The following TRPA1 variants were observed in gnomAD, a reference collection of about 807,000 sequenced individuals.
TRPA1 encodes ankyrin-like with transmembrane domains 1.
Under a neutral mutation model 131.3 loss-of-function variants are expected in TRPA1, and 129 were observed. The ratio of observed to expected loss-of-function variants is 0.98; its 90% CI spans 0.85 to 1.14. TRPA1 has a LOEUF of 1.14. Ranked by LOEUF, TRPA1 falls within the 50% of genes most tolerant of loss-of-function variation. The pLI, the probability that TRPA1 is intolerant of heterozygous loss-of-function variation, is 0.00. For missense variants in TRPA1, 1,304 were observed against 1,354.2 expected, an observed-to-expected ratio of 0.96 and a Z score of 0.58; for synonymous variants, 441 against 451.7, an observed-to-expected ratio of 0.98 and a Z score of 0.30.
Position 72,054,503 on chromosome 8 carries a change from TAGAC to T in TRPA1, c.1530-640_1530-637del, listed in dbSNP as rs10592764. On this transcript the variant is annotated intron_variant, in intron 12 of 26. Coordinates refer to ENST00000262209, the MANE Select transcript of TRPA1 (RefSeq NM_007332.3). ...TCATATTAGCTATCTTTTTTCAAAT[TAGAC>T]AGAAAAAAATTCTTGACACTATTTA... 1,294 of 152,964 alleles carry T rather than the reference TAGAC, an allele frequency of 8.5e-3. 13 individuals carry two copies. The highest frequency in any genetic ancestry group is 0.013 in the Non-Finnish European group (917 of 68,550). The allele number at this position is 152,964 out of a possible 1,614,324, so 9.5% of individuals were successfully genotyped here.
At chr8:72,043,104 C>T (rs1451348351) in intron 17 of TRPA1, among the ~76,000 whole-genome samples, 1 of 151,806 alleles carries the variant, frequency 6.6e-6, no homozygotes, top group East Asian at 1.9e-4. Flanking sequence ...GACAAATTCT[C>T]CTTTAAAATA....
chr8:72,084,646 A>ATT, the TRPA1 span, among the ~76,000 whole-genome samples: 9 of 113,432 alleles, frequency 7.9e-5, no homozygotes, highest in African/African-American at 2.8e-4. Flanking sequence ...TTAAAATGAT[A>ATT]ATTTTTTTTT....
chr8:72,031,568 A>T (rs940540802), intron 23 of TRPA1, among the ~76,000 whole-genome samples: 1 of 151,198 alleles, frequency 6.6e-6, no homozygotes, highest in Non-Finnish European at 1.5e-5. Context: ...ACAGAATGAG[A>T]TCCTATCTCA....
At chr8:72,048,794 A>G (rs1751350941) in intron 15 of TRPA1, among the ~76,000 whole-genome samples, 1 of 152,202 alleles carries the variant, frequency 6.6e-6, no homozygotes. Context: ...TAGTAGCATA[A>G]AGAAGAAATT....
At chr8:72,032,326 G>T (rs1811856407) in intron 23 of TRPA1, among the ~76,000 whole-genome samples, 1 of 152,228 alleles carries the variant, frequency 6.6e-6, no homozygotes, top group Non-Finnish European at 1.5e-5. Context: ...CGATAGAGAT[G>T]CTCTTGAGGC....
intron 24 of TRPA1, among the ~76,000 whole-genome samples, chr8:72,028,238 A>T (rs1458877755): frequency 1.3e-5 from 2 of 152,178 alleles, no homozygotes; most frequent in East Asian, 3.9e-4. Flanking sequence ...CTCTCCACTA[A>T]CTTACAAAAT....
chr8:72,032,124 G>A (rs1222109736), intron 23 of TRPA1, among the ~76,000 whole-genome samples: 2 of 152,204 alleles, frequency 1.3e-5, no homozygotes, highest in East Asian at 1.9e-4. Flanking sequence ...ACAGTGAGGC[G>A]TTGGGAAAGA....
chr8:72,024,859 A>T (rs1029105726), intron 25 of TRPA1, among the ~76,000 whole-genome samples: 19 of 152,168 alleles, frequency 1.2e-4, no homozygotes, highest in South Asian at 2.1e-4. Flanking sequence ...CTGTGGCGTT[A>T]GAATAAAGCC....
At chr8:72,082,570 T>C in the TRPA1 span, among the ~76,000 whole-genome samples, 1 of 152,084 alleles carries the variant, frequency 6.6e-6, no homozygotes, top group Non-Finnish European at 1.5e-5. Context: ...AAATAAGGAA[T>C]ACTTTTTGCT....
At chr8:72,084,160 A>G in the TRPA1 span, among the ~76,000 whole-genome samples, 1 of 152,190 alleles carries the variant, frequency 6.6e-6, no homozygotes, top group Non-Finnish European at 1.5e-5. Flanking sequence ...GCACTCACCT[A>G]TGATACCATT....
intron 15 of TRPA1, among the ~76,000 whole-genome samples, chr8:72,050,350 C>T (rs1805469837): frequency 6.6e-6 from 1 of 152,120 alleles, no homozygotes; most frequent in Admixed American, 6.6e-5. Context: ...GGTACAAGAT[C>T]TCATTCTTAT....
chr8:72,027,284 G>A (rs2129432695), intron 24 of TRPA1, among the ~76,000 whole-genome samples: 1 of 152,176 alleles, frequency 6.6e-6, no homozygotes, highest in South Asian at 2.1e-4. Context: ...CTCAAAGATG[G>A]TCCTGGGGGA....
intron 12 of TRPA1, 40 bp downstream of exon 12, chr8:72,055,392 CTAAT>C (rs773921177): frequency 3.4e-5 from 52 of 1,544,414 alleles, no homozygotes; most frequent in Admixed American, 1.0e-4. Flanking sequence ...CTGAAAATGG[CTAAT>C]TAAAGAAATT....
Position 72,075,500 on chromosome 8 carries a change from G to T in TRPA1, c.-91C>A. 1 of 1,082,732 alleles carries T rather than the reference G, an allele frequency of 9.2e-7. No homozygotes were observed. The highest frequency in any genetic ancestry group is 1.4e-6 in the Non-Finnish European group (1 of 712,796). The allele number at this position is 1,082,732 out of a possible 1,614,324, so 67.1% of individuals were successfully genotyped here. A position where few individuals can be genotyped will look rare whatever the true frequency, so the allele number is the denominator to read the frequency against. ...AGCGCTGTCAGCCTGCCAGGCGCTG[G>T]GGTCCGCGCGAGCCCGAGCTCTCCC... On this transcript the variant is annotated 5_prime_UTR_variant, in exon 1 of 27. Coordinates refer to ENST00000262209, the MANE Select transcript of TRPA1 (RefSeq NM_007332.3).
intron 15 of TRPA1, among the ~76,000 whole-genome samples, chr8:72,048,387 G>A: frequency 6.6e-6 from 1 of 152,004 alleles, no homozygotes; most frequent in East Asian, 1.9e-4. Context: ...TATCCAGAAG[G>A]GAAGAAACAG....
chr8:72,037,797 G>T (rs1023530356), intron 20 of TRPA1, among the ~76,000 whole-genome samples, 186 bp downstream of exon 20: 3 of 151,984 alleles, frequency 2.0e-5, no homozygotes, highest in African/African-American at 7.2e-5. Context: ...AATAGGCAGG[G>T]ACCTTACCTA....
At chr8:72,066,642 G>A (rs1445180469) in intron 3 of TRPA1, among the ~76,000 whole-genome samples, 1 of 152,154 alleles carries the variant, frequency 6.6e-6, no homozygotes, top group Non-Finnish European at 1.5e-5. Context: ...CGGATTAAGG[G>A]AAATGAGAAC....
intron 14 of TRPA1, among the ~76,000 whole-genome samples, chr8:72,051,262 G>C (rs1805499285): frequency 6.6e-6 from 1 of 152,088 alleles, no homozygotes; most frequent in South Asian, 2.1e-4. Flanking sequence ...GTGTAGTACT[G>C]GTCCCATATT....
Position 72,065,572 on chromosome 8 carries a change from A to G in TRPA1, c.445-14T>C. 1 of 1,606,368 alleles carries G rather than the reference A, an allele frequency of 6.2e-7. No individual in the cohort carries two copies. Among genetic ancestry groups the G allele is most frequent in the Non-Finnish European group, 8.5e-7 (1 of 1,173,740 alleles). On this transcript the variant is annotated splice_polypyrimidine_tract_variant and intron_variant, in intron 3 of 26. Transcript: ENST00000262209. ...CTCAAGCAAGACCTAAAAAAAGGGGAGAATAATTGTCAAAATTTTTGCAGA... is the reference window on the plus strand; with the variant it reads ...CTCAAGCAAGACCTAAAAAAAGGGGGGAATAATTGTCAAAATTTTTGCAGA...
Sources: gnomAD v4.1 joint callset for allele counts (sites outside exome capture counted in the v4.1 genomes callset) on GRCh38, gnomAD v4.1.1 for gene constraint, MANE v1.5 for transcripts, NCBI Gene and HGNC (gene_info 2026-07-23, HGNC 2026-07-21) for gene names.